Variants in FAM186A observed in about 807,000 individuals in gnomAD.
The protein encoded by FAM186A is family with sequence similarity 186 member A, also known as protein FAM186A.
FAM186A carries 163 observed loss-of-function variants against 216.8 expected under a neutral mutation model. The ratio of observed to expected loss-of-function variants is 0.75; its 90% confidence interval spans 0.66 to 0.86. The LOEUF (loss-of-function observed/expected upper bound fraction) is 0.86, where lower values mean the gene tolerates loss of function less well. FAM186A is among the 40% of genes least tolerant of loss of function. FAM186A has a pLI of 0.00. For missense variants in FAM186A, 2,184 were observed against 2,746.2 expected, an observed-to-expected ratio of 0.80 and a Z score of 4.58; for synonymous variants, 805 against 1,025.3, an observed-to-expected ratio of 0.79 and a Z score of 4.10.
In FAM186A at chr12:50,351,316, A is replaced by G; in HGVS notation, c.5516T>C (p.Ile1839Thr). The change falls in exon 4 of 8, where the codon ATA becomes ACA. Residue 1839 changes from isoleucine to threonine, a missense_variant. By Grantham distance (89) the Ile-to-Thr change is moderately conservative. This residue lies in a region of FAM186A where 721 missense variants were observed against 816.4 expected (regional missense o/e 0.88). Transcript: ENST00000327337. ...RAPPTPGQPFIAGVPPTSGQI... is the reference protein window; with the variant it reads ...RAPPTPGQPFTAGVPPTSGQI... ...TCCAGAAGTGGGTGGAACTCCAGCT[A>G]TAAAGGGCTGCCCTGGAGTGGGAGG... The G allele has an allele frequency of 6.6e-7, 1 of 1,523,164 alleles. No homozygotes were observed. The allele number at this position is 1,523,164 out of a possible 1,614,324, so 94.4% of individuals were successfully genotyped here.
At position 50,381,496 on chromosome 12, in the gene FAM186A, G is replaced by A. The variant is rs56985954; in HGVS notation, c.192+14797C>T. 8.0e-3 allele frequency among the ~76,000 whole-genome samples: 1,222 copies of A among 151,980 alleles called. 15 individuals are homozygous for A. The highest frequency in any genetic ancestry group is 0.028 in the African/African-American group (1,168 of 41,440). Reference sequence around the variant, plus strand: ...CCACAGTGGGTAGCAGTGGGCCAAGGTTGCACCACTGCACTCCAGCCTGGA... The same window carrying A: ...CCACAGTGGGTAGCAGTGGGCCAAGATTGCACCACTGCACTCCAGCCTGGA... On this transcript the variant is annotated intron_variant, in intron 1 of 7. Coordinates refer to ENST00000327337, the MANE Select transcript of FAM186A (RefSeq NM_001145475.3).
At chr12:50,384,449 A>G (rs1472607389) in intron 1 of FAM186A, among the ~76,000 whole-genome samples, 2 of 152,134 alleles carry the variant, frequency 1.3e-5, no homozygotes, top group Non-Finnish European at 2.9e-5. Context: ...TAAATAAACT[A>G]AAACATGTAT....
At chr12:50,386,449 A>T (rs1304536230) in intron 1 of FAM186A, among the ~76,000 whole-genome samples, 1 of 152,128 alleles carries the variant, frequency 6.6e-6, no homozygotes, top group Non-Finnish European at 1.5e-5. Flanking sequence ...AGAAACAAAC[A>T]AAAAAGATAT....
Position 50,353,717 on chromosome 12 carries a change from G to A in FAM186A, c.3115C>T (p.Leu1039Phe). The A allele has an allele frequency of 6.5e-7, 1 of 1,544,450 alleles. No individual in the cohort carries two copies. Among genetic ancestry groups the A allele is most frequent in the Non-Finnish European group, 8.7e-7 (1 of 1,144,658 alleles). The change falls in exon 4 of 8, where the codon CTT becomes TTT. Residue 1039 changes from leucine (L) to phenylalanine (F), a missense_variant. Coordinates refer to ENST00000327337, the MANE Select transcript of FAM186A (RefSeq NM_001145475.3). ...GATATGGGCTCCTTTTCATCAGGAA[G>A]GTTCTCTAATGTCTTCAGATTCCTC... Reference protein sequence around the residue: ...FQRNLKTLENLPDEKEPISIT... With the variant: ...FQRNLKTLENFPDEKEPISIT...
chr12:50,365,817 C>G (rs190584590), intron 1 of FAM186A: 1 of 758,768 alleles, frequency 1.3e-6, no homozygotes, highest in African/African-American at 1.7e-5. Flanking sequence ...TGATGAAGTT[C>G]AGGTTGTATG....
intron 1 of FAM186A, among the ~76,000 whole-genome samples, chr12:50,388,400 C>T (rs1456538465): frequency 1.3e-5 from 2 of 152,058 alleles, no homozygotes; most frequent in Non-Finnish European, 2.9e-5. Flanking sequence ...GGAGGATCCC[C>T]TGAGGTCAGG....
In FAM186A at chr12:50,353,935, T is replaced by C. The variant is rs1214482314; in HGVS notation, c.2897A>G (p.Lys966Arg). 1 of 1,553,602 alleles carries C rather than the reference T, an allele frequency of 6.4e-7. No homozygotes were observed. The highest frequency in any genetic ancestry group is 8.7e-7 in the Non-Finnish European group (1 of 1,148,190). The stretch of plus-strand genomic sequence containing the variant: ...CCCTCTCTCTGGCTTCTGCTTTTCC[T>C]TCCCTTTCTCCCTTCTCCTGTGTGG... ...LGPHRRREKGKEKQKPERGLE... is the reference protein window; with the variant it reads ...LGPHRRREKGREKQKPERGLE... Residue 966 changes from lysine to arginine, a missense_variant, in exon 4 of 8, where the codon AAG (lysine) becomes AGG (arginine). Physicochemically the swap from Lys to Arg is conservative, Grantham distance 26. Around this residue, in one of 7 missense-constraint regions of FAM186A, gnomAD observed 1,132 missense variants for 1,263.4 expected, o/e 0.90. Transcript: ENST00000327337.
intron 4 of FAM186A, among the ~76,000 whole-genome samples, chr12:50,340,298 C>A (rs570476648): frequency 2.0e-5 from 3 of 152,330 alleles, no homozygotes; most frequent in African/African-American, 7.2e-5. Context: ...CTTTGTGTGA[C>A]TGTCTCTCTG....
chr12:50,379,425 G>C (rs1943231833), intron 1 of FAM186A, among the ~76,000 whole-genome samples: 1 of 122,780 alleles, frequency 8.1e-6, no homozygotes, highest in Non-Finnish European at 1.6e-5. Flanking sequence ...GGTCAACAGA[G>C]CGAGACTCCC....
In FAM186A at chr12:50,372,379, G is replaced by C. The variant is rs184220995; in HGVS notation, c.193-9015C>G. Among the ~76,000 whole-genome samples, 114 of 150,556 alleles carry C rather than the reference G, an allele frequency of 7.6e-4. 3 individuals are homozygous for C. Among genetic ancestry groups the C allele is most frequent in the Admixed American group, 6.5e-3 (97 of 15,014 alleles). On this transcript the variant is annotated intron_variant, in intron 1 of 7. Coordinates refer to ENST00000327337, the MANE Select transcript of FAM186A (RefSeq NM_001145475.3). ...AAGGCCAAGGAGGGTGGATCATGAG[G>C]TCAGGCGTTCAAGACCAGCCTGGGC...
At chr12:50,395,175 A>C (rs988671219) in intron 1 of FAM186A, among the ~76,000 whole-genome samples, 5 of 152,136 alleles carry the variant, frequency 3.3e-5, no homozygotes, top group African/African-American at 1.2e-4. Context: ...CATGGTGCTC[A>C]CTGCAGTCTC....
chr12:50,349,771 T>C (rs1167838983), intron 4 of FAM186A, among the ~76,000 whole-genome samples: 1 of 152,090 alleles, frequency 6.6e-6, no homozygotes, highest in African/African-American at 2.4e-5. Flanking sequence ...TGCCCTAGCC[T>C]CCCAAGTAAT....
intron 1 of FAM186A, among the ~76,000 whole-genome samples, chr12:50,376,101 A>G (rs1345767066): frequency 6.6e-6 from 1 of 152,174 alleles, no homozygotes; most frequent in African/African-American, 2.4e-5. Flanking sequence ...GTTCTGCTGC[A>G]GGCACCAGTG....
intron 1 of FAM186A, among the ~76,000 whole-genome samples, chr12:50,372,069 C>T (rs974548722): frequency 1.4e-4 from 22 of 152,074 alleles, no homozygotes; most frequent in African/African-American, 5.1e-4. Context: ...GCCTTGGCCT[C>T]CCAAAGTGCT....
rs1247876608 is a variant in FAM186A at position 50,396,514 on chromosome 12, T to A, written c.-30A>T. 6.6e-7 allele frequency: 1 copy of A among 1,525,146 alleles called. No individual in the cohort carries two copies. Among genetic ancestry groups the A allele is most frequent in the South Asian group, 1.3e-5 (1 of 79,702 alleles). 94.5% of individuals were successfully genotyped at this position (1,525,146 alleles called of 1,614,324 possible). A position where few individuals can be genotyped will look rare whatever the true frequency, so the allele number is the denominator to read the frequency against. Reference sequence around the variant, plus strand: ...AAAATGTGGGTGATTTCGTTTTATTTCTTCTTTTTCACAGAATCTACAAAA... The same window carrying A: ...AAAATGTGGGTGATTTCGTTTTATTACTTCTTTTTCACAGAATCTACAAAA... On this transcript the variant is annotated 5_prime_UTR_variant, in exon 1 of 8. An upstream open reading frame in the 5' UTR gains an earlier in-frame stop. Transcript: ENST00000327337.
chr12:50,359,024 A>G (rs987576595), intron 3 of FAM186A, among the ~76,000 whole-genome samples: 1 of 152,170 alleles, frequency 6.6e-6, no homozygotes, highest in Non-Finnish European at 1.5e-5. Flanking sequence ...AGCACATGAA[A>G]CATGCTCAGC....
At chr12:50,328,662 C>A (rs1220168662) in intron 7 of FAM186A, among the ~76,000 whole-genome samples, 1 of 152,038 alleles carries the variant, frequency 6.6e-6, no homozygotes, top group Non-Finnish European at 1.5e-5. Flanking sequence ...TGTGTGCCAC[C>A]ATGCCCAGCT....
At chr12:50,329,535 A>G (rs1186365123) in intron 7 of FAM186A, among the ~76,000 whole-genome samples, 1 of 152,162 alleles carries the variant, frequency 6.6e-6, no homozygotes, top group African/African-American at 2.4e-5. Context: ...TTCCTGTATT[A>G]TAGAATTTTA....
rs1378283621 is a variant in FAM186A at position 50,353,461 on chromosome 12, G to A, written c.3371C>T (p.Thr1124Ile). Residue 1124 changes from threonine (T) to isoleucine (I), a missense_variant, in exon 4 of 8, where the codon ACC (threonine) becomes ATC (isoleucine). Coordinates refer to ENST00000327337, the MANE Select transcript of FAM186A (RefSeq NM_001145475.3). Reference sequence around the variant, plus strand: ...CCCCAGGGCCTGCGCCTGCTGAGGGGTGAAAAGGATCTCCAGGGCCTGGGC... The same window carrying A: ...CCCCAGGGCCTGCGCCTGCTGAGGGATGAAAAGGATCTCCAGGGCCTGGGC... ...QQAQALEILFTPQQAQALGIP... is the reference protein window; with the variant it reads ...QQAQALEILFIPQQAQALGIP... 10 of 1,528,898 alleles carry A rather than the reference G, an allele frequency of 6.5e-6. No homozygotes were observed. The East Asian group carries it at 2.5e-4, about 39-fold the overall frequency. 94.7% of individuals were successfully genotyped at this position (1,528,898 alleles called of 1,614,324 possible).
Sources: allele counts gnomAD v4.1 joint callset (sites outside exome capture counted in the v4.1 genomes callset), GRCh38; gene constraint gnomAD v4.1.1; regional missense constraint gnomAD v4.1.1; transcripts MANE v1.5; gene names NCBI Gene and HGNC (gene_info 2026-07-23, HGNC 2026-07-21).